Variants in TMCC3 observed in about 807,000 individuals in gnomAD.
TMCC3 encodes transmembrane and coiled-coil domain family 3.
In TMCC3, 28 loss-of-function variants were observed where a neutral mutation model predicts 40.2. The ratio of observed to expected loss-of-function variants is 0.70; its 90% confidence interval spans 0.52 to 0.95. TMCC3 has a LOEUF of 0.95. TMCC3 is among the 40% of genes least tolerant of loss of function. The probability of loss-of-function intolerance (pLI) is 0.00; values close to 1 mark genes in which losing one functional copy is unlikely to be tolerated. For missense variants in TMCC3, 554 were observed against 615.2 expected, an observed-to-expected ratio of 0.90 and a Z score of 1.05; for synonymous variants, 255 against 248.5, an observed-to-expected ratio of 1.03 and a Z score of -0.25.
chr12:94,610,519 C>A (rs1035976949), intron 1 of TMCC3, among the ~76,000 whole-genome samples: 1 of 151,792 alleles, frequency 6.6e-6, no homozygotes, highest in Non-Finnish European at 1.5e-5. Context: ...TTCTCTGATT[C>A]TTCTATGCTG....
At chr12:94,575,588 G>C (rs1379957096) in intron 3 of TMCC3, among the ~76,000 whole-genome samples, 1 of 152,134 alleles carries the variant, frequency 6.6e-6, no homozygotes, top group Non-Finnish European at 1.5e-5. Context: ...ACCAGAAAAC[G>C]TCGAAATGAA....
chr12:94,590,574 C>G (rs889153378), intron 1 of TMCC3, among the ~76,000 whole-genome samples: 3 of 152,178 alleles, frequency 2.0e-5, no homozygotes, highest in African/African-American at 7.2e-5. Flanking sequence ...TGGGAAAAGG[C>G]AAACAGCAGA....
intron 1 of TMCC3, among the ~76,000 whole-genome samples, chr12:94,606,370 CTTTTTTTT>C (rs11361924): frequency 7.1e-6 from 1 of 141,676 alleles, no homozygotes; most frequent in African/African-American, 2.6e-5. Context: ...TTTTCTTATT[CTTTTTTTT>C]TTTTTTTTGA....
chr12:94,646,397 T>A (rs552845208), intron 1 of TMCC3, among the ~76,000 whole-genome samples: 110 of 151,678 alleles, frequency 7.3e-4, no homozygotes, highest in Admixed American at 1.6e-3. Context: ...TTTAAAAAAA[T>A]TTTTTTAAAT....
intron 1 of TMCC3, among the ~76,000 whole-genome samples, chr12:94,620,333 G>T (rs900922959): frequency 5.3e-5 from 8 of 150,996 alleles, no homozygotes; most frequent in Admixed American, 2.0e-4. Flanking sequence ...TGTCGCCCAG[G>T]CTGGAGTGTA....
chr12:94,607,686 A>G (rs2068791859), intron 1 of TMCC3, among the ~76,000 whole-genome samples: 1 of 152,190 alleles, frequency 6.6e-6, no homozygotes, highest in African/African-American at 2.4e-5. Context: ...GATTACAGGC[A>G]TGAGCCACCG....
At chr12:94,648,473 T>C (rs1256806217) in intron 1 of TMCC3, among the ~76,000 whole-genome samples, 1 of 152,144 alleles carries the variant, frequency 6.6e-6, no homozygotes, top group African/African-American at 2.4e-5. Context: ...GATCCACCTA[T>C]CTCGGCCTCT....
chr12:94,587,352 C>A lies in TMCC3; in HGVS notation c.79-4814G>T, dbSNP rs189600848. On this transcript the variant is annotated intron_variant, in intron 1 of 3. Transcript: ENST00000261226. Reference sequence around the variant, plus strand: ...TATAGAACAAGGAGACAGAACCAGACAATTCAGAACTAATACTGCACAACT... The same window carrying A: ...TATAGAACAAGGAGACAGAACCAGAAAATTCAGAACTAATACTGCACAACT... 1.8e-3 allele frequency among the ~76,000 whole-genome samples: 268 copies of A among 152,286 alleles called. 1 individual carries two copies. Among genetic ancestry groups the A allele is most frequent in the Non-Finnish European group, 2.7e-3 (184 of 68,028 alleles).
chr12:94,635,787 C>T (rs2068957829), intron 1 of TMCC3, among the ~76,000 whole-genome samples: 1 of 151,234 alleles, frequency 6.6e-6, no homozygotes, highest in Non-Finnish European at 1.5e-5. Context: ...CTGTCTCAGC[C>T]TTCCGAGTAG....
At chr12:94,629,643 G>A (rs1355933853) in intron 1 of TMCC3, among the ~76,000 whole-genome samples, 1 of 152,180 alleles carries the variant, frequency 6.6e-6, no homozygotes, top group African/African-American at 2.4e-5. Flanking sequence ...AAGAAAGCCA[G>A]GGGAGAATTC....
intron 3 of TMCC3, among the ~76,000 whole-genome samples, chr12:94,574,357 C>T (rs1268463810): frequency 1.3e-5 from 2 of 150,836 alleles, no homozygotes; most frequent in Non-Finnish European, 2.9e-5. Context: ...CACTACACTC[C>T]AGCCCAGGCA....
chr12:94,580,150 T>C (rs1170437224), intron 2 of TMCC3, among the ~76,000 whole-genome samples: 1 of 152,258 alleles, frequency 6.6e-6, no homozygotes, highest in Non-Finnish European at 1.5e-5. Flanking sequence ...GGCATTTTAC[T>C]ATTTTATCTA....
chr12:94,649,797 G>C (rs1021132060), intron 1 of TMCC3, among the ~76,000 whole-genome samples: 1 of 152,266 alleles, frequency 6.6e-6, no homozygotes. Context: ...GCTCGGCTCG[G>C]CTCGAAACTC....
chr12:94,611,341 T>C (rs1363931365), intron 1 of TMCC3, among the ~76,000 whole-genome samples: 1 of 152,180 alleles, frequency 6.6e-6, no homozygotes, highest in Admixed American at 6.5e-5. Context: ...CATTAAAATA[T>C]TGAATACTAA....
chr12:94,643,230 C>G (rs1172154271), intron 1 of TMCC3, among the ~76,000 whole-genome samples: 1 of 152,066 alleles, frequency 6.6e-6, no homozygotes, highest in African/African-American at 2.4e-5. Flanking sequence ...AACTCCAAGA[C>G]TGGCACTCTT....
In TMCC3 at chr12:94,570,812, A is replaced by C. The variant is rs1033213898; in HGVS notation, c.*623T>G. The C allele has an allele frequency of 6.5e-6, 1 of 152,800 alleles. No homozygotes were observed. Among genetic ancestry groups the C allele is most frequent in the Admixed American group, 6.5e-5 (1 of 15,298 alleles). 9.5% of individuals were successfully genotyped at this position (152,800 alleles called of 1,614,324 possible). A position where few individuals can be genotyped will look rare whatever the true frequency, so the allele number is the denominator to read the frequency against. Reference sequence around the variant, plus strand: ...ATAAATCCCTATGCCTTCCCATTTAAAGTGTAACAAAACCCCTCAGGTAGA... The same window carrying C: ...ATAAATCCCTATGCCTTCCCATTTACAGTGTAACAAAACCCCTCAGGTAGA... On this transcript the variant is annotated 3_prime_UTR_variant, in exon 4 of 4. Coordinates refer to ENST00000261226, the MANE Select transcript of TMCC3 (RefSeq NM_020698.4).
intron 1 of TMCC3, among the ~76,000 whole-genome samples, chr12:94,640,117 T>C (rs924086562): frequency 1.3e-5 from 2 of 152,240 alleles, no homozygotes; most frequent in African/African-American, 2.4e-5. Flanking sequence ...TTCAGTTGAT[T>C]CAGTCCAGGA....
chr12:94,601,567 G>A (rs897769912), intron 1 of TMCC3, among the ~76,000 whole-genome samples: 1 of 151,760 alleles, frequency 6.6e-6, no homozygotes, highest in African/African-American at 2.4e-5. Flanking sequence ...ACTCATTCCT[G>A]TAATCCCAAC....
intron 1 of TMCC3, chr12:94,616,195 T>G (rs973353990): frequency 7.3e-6 from 5 of 688,246 alleles, no homozygotes; most frequent in Non-Finnish European, 8.9e-6. Context: ...GGGCTCTTTG[T>G]GCAGTCAGCA....
Sources: allele counts gnomAD v4.1 joint callset (sites outside exome capture counted in the v4.1 genomes callset), GRCh38; gene constraint gnomAD v4.1.1; transcripts MANE v1.5; gene names NCBI Gene and HGNC (gene_info 2026-07-23, HGNC 2026-07-21).